The following MARCHF1 variants were observed in gnomAD, a reference collection of about 807,000 sequenced individuals.
The protein encoded by MARCHF1 is E3 ubiquitin-protein ligase MARCHF1.
MARCHF1 carries 40 observed loss-of-function variants against 54.2 expected under a neutral mutation model. The observed-to-expected ratio is 0.74, with a 90% CI of 0.57 to 0.96. The LOEUF (loss-of-function observed/expected upper bound fraction) is 0.96. Among genes scored for constraint, MARCHF1 ranks in the 40% least tolerant of loss-of-function variants. MARCHF1 has a pLI of 0.00. For synonymous variants in MARCHF1, 236 were observed against 236.3 expected (o/e 1.00, Z 0.01); for missense variants, 586 against 656.5 (o/e 0.89, Z 1.17).
At chr4:164,297,230 T>C (rs1287154896) in intron 1 of MARCHF1, among the ~76,000 whole-genome samples, 1 of 152,138 alleles carries the variant, frequency 6.6e-6, no homozygotes. Flanking sequence ...AGATGGAGCC[T>C]CGAATGGTCA....
chr4:163,672,245 T>C (rs1356740647), intron 5 of MARCHF1, among the ~76,000 whole-genome samples: 1 of 152,186 alleles, frequency 6.6e-6, no homozygotes, highest in Non-Finnish European at 1.5e-5. Flanking sequence ...TTTTTCCCTC[T>C]AAACTATGTA....
chr4:164,032,416 T>C (rs1753897419), intron 2 of MARCHF1, among the ~76,000 whole-genome samples: 1 of 152,166 alleles, frequency 6.6e-6, no homozygotes, highest in African/African-American at 2.4e-5. Flanking sequence ...GTTATTTTAA[T>C]TGGGATGTTA....
intron 1 of MARCHF1, among the ~76,000 whole-genome samples, chr4:164,140,771 T>TAC (rs35269297): frequency 0.014 from 1,977 of 136,750 alleles, 21 homozygotes; most frequent in East Asian, 0.055. Flanking sequence ...CATACATACA[T>TAC]ACACACACAC....
chr4:164,185,463 C>T (rs1380603959), intron 1 of MARCHF1, among the ~76,000 whole-genome samples: 2 of 152,072 alleles, frequency 1.3e-5, no homozygotes, highest in Non-Finnish European at 2.9e-5. Flanking sequence ...TAATATGTTA[C>T]CATATACTAG....
chr4:163,613,374 C>G lies in MARCHF1; in HGVS notation c.182G>C (p.Gly61Ala). ...CCTTGACTGGCTCCTGGGAGCTGTCCCTGTTGTTGGGCTGCTTGCCTGGAG... is the reference window on the plus strand; with the variant it reads ...CCTTGACTGGCTCCTGGGAGCTGTCGCTGTTGTTGGGCTGCTTGCCTGGAG... ...NISKASSPTT[G>A]TAPRSQSRLS... Residue 61 changes from glycine (G) to alanine (A), a missense_variant, in exon 6 of 10, where the codon GGG (glycine) becomes GCG (alanine). Coordinates refer to ENST00000514618, the MANE Select transcript of MARCHF1 (RefSeq NM_001394959.1). 1 of 1,613,212 alleles carries G rather than the reference C, an allele frequency of 6.2e-7. No homozygotes were observed. Among genetic ancestry groups the G allele is most frequent in the Non-Finnish European group, 8.5e-7 (1 of 1,179,526 alleles).
chr4:164,213,150 T>G (rs1023302370), intron 1 of MARCHF1, among the ~76,000 whole-genome samples: 5 of 151,460 alleles, frequency 3.3e-5, no homozygotes, highest in African/African-American at 1.2e-4. Context: ...GTAATTCGTT[T>G]CTTAGATAAA....
chr4:164,112,070 T>G (rs1002090139), intron 1 of MARCHF1, among the ~76,000 whole-genome samples: 1 of 151,810 alleles, frequency 6.6e-6, no homozygotes, highest in Admixed American at 6.6e-5. Context: ...TGGTTTCAAT[T>G]TGATCTAGTT....
At chr4:163,643,241 T>G (rs533526886) in intron 5 of MARCHF1, among the ~76,000 whole-genome samples, 3 of 151,176 alleles carry the variant, frequency 2.0e-5, no homozygotes, top group Non-Finnish European at 2.9e-5. Context: ...GGCAGGAGAA[T>G]TGCTTGAGCC....
At chr4:163,904,174 C>T (rs535348244) in intron 3 of MARCHF1, among the ~76,000 whole-genome samples, 1 of 152,020 alleles carries the variant, frequency 6.6e-6, no homozygotes, top group Non-Finnish European at 1.5e-5. Flanking sequence ...AGCTTTGAGG[C>T]AAATCCCTAT....
intron 1 of MARCHF1, among the ~76,000 whole-genome samples, chr4:164,303,367 T>C (rs911661151): frequency 6.6e-6 from 1 of 152,230 alleles, no homozygotes; most frequent in Non-Finnish European, 1.5e-5. Context: ...AAAACTCATT[T>C]GTGGTGGGGA....
intron 1 of MARCHF1, among the ~76,000 whole-genome samples, chr4:164,218,814 T>C (rs1257179234): frequency 6.7e-6 from 1 of 148,912 alleles, no homozygotes; most frequent in Non-Finnish European, 1.5e-5. Context: ...CAAACCTGCA[T>C]GTTGTGCACA....
At chr4:164,188,768 G>T in intron 1 of MARCHF1, 1 of 929,958 alleles carries the variant, frequency 1.1e-6, no homozygotes, top group Non-Finnish European at 1.8e-6. Flanking sequence ...CGTTCAAGTT[G>T]ATATTGGAGG....
chr4:163,820,590 T>C (rs1051249572), intron 4 of MARCHF1, among the ~76,000 whole-genome samples: 3 of 152,078 alleles, frequency 2.0e-5, no homozygotes, highest in Non-Finnish European at 4.4e-5. Flanking sequence ...GCCATCAGTT[T>C]TACTATCTTT....
At chr4:163,857,886 G>C (rs1359241337) in intron 3 of MARCHF1, among the ~76,000 whole-genome samples, 1 of 150,440 alleles carries the variant, frequency 6.6e-6, no homozygotes, top group Non-Finnish European at 1.5e-5. Flanking sequence ...CCCAGTTTTT[G>C]TAAGACAGTG....
chr4:163,641,551 T>C (rs1742556643), intron 5 of MARCHF1, among the ~76,000 whole-genome samples: 2 of 152,180 alleles, frequency 1.3e-5, no homozygotes, highest in Admixed American at 1.3e-4. Flanking sequence ...CCTGTGTTCA[T>C]ACAGGGGTTA....
chr4:164,050,603 C>T (rs1389610102), intron 2 of MARCHF1, among the ~76,000 whole-genome samples: 1 of 152,166 alleles, frequency 6.6e-6, no homozygotes, highest in Non-Finnish European at 1.5e-5. Context: ...GCATTAGCAT[C>T]CCCTGGAAGA....
At chr4:163,757,571 T>C (rs1293581704) in intron 4 of MARCHF1, among the ~76,000 whole-genome samples, 1 of 152,190 alleles carries the variant, frequency 6.6e-6, no homozygotes, top group Non-Finnish European at 1.5e-5. Flanking sequence ...AGTAATTTTT[T>C]TGTTTGTTGC....
intron 1 of MARCHF1, among the ~76,000 whole-genome samples, chr4:164,368,959 A>G (rs768332649): frequency 3.3e-5 from 5 of 152,212 alleles, no homozygotes; most frequent in Admixed American, 6.5e-5. Flanking sequence ...TAGAAAGAAC[A>G]GGAGTTCTGA....
chr4:164,054,191 C>T (rs976591759), intron 2 of MARCHF1, among the ~76,000 whole-genome samples: 4 of 151,628 alleles, frequency 2.6e-5, no homozygotes, highest in African/African-American at 4.8e-5. Context: ...CCATCACTGG[C>T]CATCAGAGAA....
Sources: allele counts gnomAD v4.1 joint callset (sites outside exome capture counted in the v4.1 genomes callset), GRCh38; gene constraint gnomAD v4.1.1; transcripts MANE v1.5; gene names NCBI Gene and HGNC (gene_info 2026-07-23, HGNC 2026-07-21).